TRPM3: variants seen among roughly 807,000 people sequenced by gnomAD.
TRPM3 encodes long transient receptor potential channel 3.
Under a neutral mutation model 181.2 loss-of-function variants are expected in TRPM3, and 77 were observed. That is an observed-to-expected ratio of 0.42 (90% CI 0.35 to 0.51). TRPM3 has a LOEUF of 0.51. TRPM3 is among the 20% of genes least tolerant of loss of function. TRPM3 has a pLI of 0.01. For synonymous variants in TRPM3, 745 were observed against 796.4 expected, an observed-to-expected ratio of 0.94 and a Z score of 1.09; for missense variants, 1,759 against 2,196.7, an observed-to-expected ratio of 0.80 and a Z score of 3.98.
At chr9:70,852,913 C>G (rs75338229) in intron 3 of TRPM3, among the ~76,000 whole-genome samples, 1,785 of 152,282 alleles carry the variant, frequency 0.012, 31 homozygotes, top group African/African-American at 0.041. Context: ...AATGCAAGTT[C>G]AGGTTGATGC....
At chr9:70,553,418 A>G in intron 22 of TRPM3, 108 bp from the exon 23 acceptor site, 1 of 1,357,494 alleles carries the variant, frequency 7.4e-7, no homozygotes, top group Non-Finnish European at 9.8e-7. Flanking sequence ...ATATATAGCC[A>G]TCTCAAACAG....
chr9:70,662,847 C>G (rs7872773), intron 9 of TRPM3, among the ~76,000 whole-genome samples: 57,666 of 151,904 alleles, frequency 0.38, 11,372 homozygotes, highest in African/African-American at 0.47. Context: ...CCTTAAAGAA[C>G]TAAAAGTAGA....
At position 70,535,913 on chromosome 9, in the gene TRPM3, G is replaced by A. The variant is rs774461920; in HGVS notation, c.*40C>T. 5 of 1,535,178 alleles carry A rather than the reference G, an allele frequency of 3.3e-6. No individual in the cohort carries two copies. The highest frequency in any genetic ancestry group is 2.6e-6 in the Non-Finnish European group (3 of 1,144,316). ...AACTGGAGTTGGAGAGAATTTTAGG[G>A]CTGGATTCTTGAGCCTTCTGTGGCG... On this transcript the variant is annotated 3_prime_UTR_variant, in exon 26 of 26. Transcript: ENST00000677713.
At chr9:70,661,716 A>G (rs925270424) in intron 9 of TRPM3, among the ~76,000 whole-genome samples, 4 of 152,092 alleles carry the variant, frequency 2.6e-5, no homozygotes, top group African/African-American at 9.7e-5. Flanking sequence ...ACACTTAACT[A>G]AGGAGGTGAA....
chr9:71,399,498 A>G (rs2131369821), intron 1 of TRPM3, among the ~76,000 whole-genome samples: 1 of 141,226 alleles, frequency 7.1e-6, no homozygotes, highest in East Asian at 2.0e-4. Flanking sequence ...GATAGATGAT[A>G]TTCATTTTAC....
intron 1 of TRPM3, among the ~76,000 whole-genome samples, chr9:70,960,275 T>C (rs2097124338): frequency 6.6e-6 from 1 of 152,188 alleles, no homozygotes; most frequent in African/African-American, 2.4e-5. Context: ...GGAGAGTTAG[T>C]GAACAGCATC....
chr9:70,957,429 A>C (rs2097089874), intron 1 of TRPM3, among the ~76,000 whole-genome samples: 1 of 152,160 alleles, frequency 6.6e-6, no homozygotes, highest in South Asian at 2.1e-4. Flanking sequence ...ATCACTGCTG[A>C]GAGGGGAGGT....
chr9:70,760,680 T>TC (rs2077971536), intron 8 of TRPM3: 2 of 147,924 alleles, frequency 1.4e-5, no homozygotes, highest in African/African-American at 2.4e-5. Context: ...TTTTTTTTTT[T>TC]CTAAACATTT....
chr9:70,957,217 G>A (rs1015391307), intron 1 of TRPM3, among the ~76,000 whole-genome samples: 2 of 152,006 alleles, frequency 1.3e-5, no homozygotes, highest in African/African-American at 4.8e-5. Context: ...ACGCACTTCG[G>A]CCTCCCAAAG....
chr9:71,363,057 A>C (rs2092214831), intron 1 of TRPM3, among the ~76,000 whole-genome samples: 1 of 152,234 alleles, frequency 6.6e-6, no homozygotes, highest in Admixed American at 6.5e-5. Flanking sequence ...TTGAGAAAAC[A>C]GAAATGTTAA....
chr9:70,916,195 G>A (rs1330299292), intron 1 of TRPM3, among the ~76,000 whole-genome samples: 1 of 152,124 alleles, frequency 6.6e-6, no homozygotes, highest in Non-Finnish European at 1.5e-5. Context: ...TCAGACAAAT[G>A]AAAGCTGAGG....
intron 1 of TRPM3, among the ~76,000 whole-genome samples, chr9:71,411,878 T>G (rs1588908182): frequency 6.6e-6 from 1 of 152,312 alleles, no homozygotes; most frequent in Middle Eastern, 3.4e-3. Flanking sequence ...CAAAACAGCA[T>G]GGTACTGGTA....
chr9:71,106,490 CT>C (rs2069610246), intron 1 of TRPM3, among the ~76,000 whole-genome samples: 1 of 152,132 alleles, frequency 6.6e-6, no homozygotes. Context: ...CCTGCTTCCC[CT>C]TCACCTTCTG....
intron 1 of TRPM3, among the ~76,000 whole-genome samples, chr9:71,246,676 T>C (rs1397568579): frequency 1.3e-5 from 2 of 152,214 alleles, no homozygotes; most frequent in African/African-American, 4.8e-5. Context: ...CAACCTACTT[T>C]TAGGATATGA....
intron 20 of TRPM3, among the ~76,000 whole-genome samples, chr9:70,602,835 T>C (rs959856784): frequency 1.8e-4 from 27 of 152,162 alleles, no homozygotes; most frequent in Non-Finnish European, 3.8e-4. Flanking sequence ...TTCACCTTGG[T>C]GGTCCCTCCT....
At chr9:70,556,095 T>A (rs1348192107) in intron 22 of TRPM3, among the ~76,000 whole-genome samples, 1 of 152,182 alleles carries the variant, frequency 6.6e-6, no homozygotes, top group Admixed American at 6.5e-5. Context: ...CAGTAGGTGC[T>A]TGCTTGTTTC....
In TRPM3 at chr9:70,530,750, G is replaced by A. The variant is rs192400851; in HGVS notation, c.*5203C>T. On this transcript the variant is annotated 3_prime_UTR_variant, in exon 26 of 26. Coordinates refer to ENST00000677713, the MANE Select transcript of TRPM3 (RefSeq NM_001366145.2). Reference sequence around the variant, plus strand: ...CTTAATTGGAACCAGCCTTTCTTTTGGTTGACTCCAATCTGAGAGACAGAA... The same window carrying A: ...CTTAATTGGAACCAGCCTTTCTTTTAGTTGACTCCAATCTGAGAGACAGAA... The A allele has an allele frequency of 6.6e-6, 1 of 152,282 alleles. No individual in the cohort carries two copies. The highest frequency in any genetic ancestry group is 1.9e-4 in the East Asian group (1 of 5,192). 9.4% of individuals were successfully genotyped at this position (152,282 alleles called of 1,614,324 possible). A position where few individuals can be genotyped will look rare whatever the true frequency, so the allele number is the denominator to read the frequency against.
intron 1 of TRPM3, among the ~76,000 whole-genome samples, chr9:71,237,195 C>G (rs2081410271): frequency 6.6e-6 from 1 of 152,042 alleles, no homozygotes; most frequent in African/African-American, 2.4e-5. Flanking sequence ...GTACAAGATA[C>G]AGGTATAATC....
At chr9:71,416,357 G>T (rs767244765) in intron 1 of TRPM3, among the ~76,000 whole-genome samples, 1 of 151,756 alleles carries the variant, frequency 6.6e-6, no homozygotes, top group South Asian at 2.1e-4. Context: ...TGGATTGGTC[G>T]GCAATTTATC....
Sources: gnomAD v4.1 joint callset for allele counts (sites outside exome capture counted in the v4.1 genomes callset) on GRCh38, gnomAD v4.1.1 for gene constraint, MANE v1.5 for transcripts, NCBI Gene and HGNC (gene_info 2026-07-23, HGNC 2026-07-21) for gene names.